The following PML variants were observed in gnomAD, a reference collection of about 807,000 sequenced individuals.
The protein encoded by PML is PML nuclear body scaffold.
PML carries 28 observed loss-of-function variants against 65.2 expected under a neutral mutation model. That is an observed-to-expected ratio of 0.43 (90% CI 0.32 to 0.59). PML has a LOEUF of 0.59. Ranked by LOEUF, PML falls within the 20% of genes least tolerant of loss-of-function variation. PML has a pLI of 0.08. For missense variants in PML, 1,021 were observed against 1,203.4 expected, an observed-to-expected ratio of 0.85 and a Z score of 2.24; for synonymous variants, 500 against 508.8, an observed-to-expected ratio of 0.98 and a Z score of 0.23.
At chr15:74,018,597 C>T (rs2070701513) in intron 2 of PML, among the ~76,000 whole-genome samples, 1 of 152,092 alleles carries the variant, frequency 6.6e-6, no homozygotes, top group Non-Finnish European at 1.5e-5. Context: ...AATCCTCTCA[C>T]CACAGCCTCC....
intron 2 of PML, among the ~76,000 whole-genome samples, chr15:74,006,265 C>T (rs1446830126): frequency 1.3e-5 from 2 of 152,128 alleles, no homozygotes; most frequent in East Asian, 3.9e-4. Flanking sequence ...GTGTCACACA[C>T]CTGTAATCCC....
intron 2 of PML, among the ~76,000 whole-genome samples, chr15:74,010,549 C>A (rs949421735): frequency 1.3e-5 from 2 of 150,820 alleles, no homozygotes; most frequent in African/African-American, 4.9e-5. Context: ...AATTAACAAG[C>A]TTTTCTCATT....
chr15:74,025,439 CG>C (rs1278621906), intron 4 of PML: 1 of 168,922 alleles, frequency 5.9e-6, no homozygotes, highest in Non-Finnish European at 1.3e-5. Context: ...TGGAAAGGAA[CG>C]GGGAATGGTG....
At position 74,023,335 on chromosome 15, in the gene PML, C is replaced by T. The variant is rs762830343; in HGVS notation, c.1110C>T (p.Ala370=). The change falls in exon 3 of 9, where the codon GCC becomes GCT. Residue 370 remains alanine (A), a synonymous_variant. Transcript: ENST00000268058. ...AGGAGCCCCAGAGCCTGCAAGCTGCCGTGCGCACCGATGGCTTCGACGAGT... is the reference window on the plus strand; with the variant it reads ...AGGAGCCCCAGAGCCTGCAAGCTGCTGTGCGCACCGATGGCTTCGACGAGT... ...RQEEPQSLQA[A]VRTDGFDEFK... is the part of the protein sequence containing the mutation. 13 of 1,605,466 alleles carry T rather than the reference C, an allele frequency of 8.1e-6. No individual in the cohort carries two copies. The South Asian group carries it at 1.1e-4, about 14-fold the overall frequency.
intron 2 of PML, among the ~76,000 whole-genome samples, chr15:74,010,624 G>A (rs1412205532): frequency 3.3e-5 from 5 of 152,044 alleles, no homozygotes; most frequent in African/African-American, 9.7e-5. Flanking sequence ...GACAGCCATT[G>A]AGCAATCACT....
intron 2 of PML, among the ~76,000 whole-genome samples, chr15:74,007,824 T>C (rs1567121555): frequency 6.6e-6 from 1 of 152,222 alleles, no homozygotes; most frequent in Non-Finnish European, 1.5e-5. Flanking sequence ...ACATAGCCCC[T>C]CCTTGAGATC....
chr15:74,017,092 C>T (rs959577155), intron 2 of PML, among the ~76,000 whole-genome samples: 3 of 151,180 alleles, frequency 2.0e-5, no homozygotes, highest in African/African-American at 7.3e-5. Context: ...CCGCCGCGCC[C>T]GGCCGGGCAG....
intron 2 of PML, among the ~76,000 whole-genome samples, chr15:74,002,449 T>C (rs574688293): frequency 8.5e-5 from 12 of 141,688 alleles, no homozygotes; most frequent in East Asian, 6.0e-4. Flanking sequence ...CTTTTCTTTT[T>C]TTTTTTTTTT....
At chr15:74,006,201 G>A (rs2070038575) in intron 2 of PML, among the ~76,000 whole-genome samples, 1 of 151,950 alleles carries the variant, frequency 6.6e-6, no homozygotes, top group African/African-American at 2.4e-5. Context: ...GACCAGCCTG[G>A]CCAACATGGT....
intron 7 of PML, among the ~76,000 whole-genome samples, chr15:74,036,676 C>T (rs977541649): frequency 6.6e-6 from 1 of 152,088 alleles, no homozygotes; most frequent in Non-Finnish European, 1.5e-5. Flanking sequence ...CCTGCCCACC[C>T]TCATTGAGGG....
chr15:73,997,482 A>G (rs781369820), intron 1 of PML, among the ~76,000 whole-genome samples: 2 of 152,154 alleles, frequency 1.3e-5, no homozygotes, highest in African/African-American at 2.4e-5. Flanking sequence ...TTGTTTATCT[A>G]TTCATCTGTT....
intron 1 of PML, among the ~76,000 whole-genome samples, chr15:73,995,826 C>G (rs1406111185): frequency 1.3e-5 from 2 of 152,174 alleles, no homozygotes; most frequent in Non-Finnish European, 2.9e-5. Context: ...GCGATCTCGG[C>G]TCACTGCAAC....
At chr15:74,011,423 G>A (rs902862987) in intron 2 of PML, among the ~76,000 whole-genome samples, 3 of 152,138 alleles carry the variant, frequency 2.0e-5, no homozygotes, top group Admixed American at 6.5e-5. Flanking sequence ...AAAGAAGAAT[G>A]TGCCTTTAAT....
At chr15:74,017,544 G>T (rs1206018459) in intron 2 of PML, among the ~76,000 whole-genome samples, 2 of 152,110 alleles carry the variant, frequency 1.3e-5, no homozygotes, top group Admixed American at 1.3e-4. Context: ...GGCTGCTTGG[G>T]AGGCTGAGGC....
intron 2 of PML, among the ~76,000 whole-genome samples, chr15:74,003,267 A>T (rs2069869486): frequency 6.6e-6 from 1 of 152,148 alleles, no homozygotes; most frequent in Non-Finnish European, 1.5e-5. Context: ...CCTCGTCTCT[A>T]TTAAAAATAC....
At chr15:74,040,580 T>C (rs2071673169) in intron 7 of PML, among the ~76,000 whole-genome samples, 1 of 152,140 alleles carries the variant, frequency 6.6e-6, no homozygotes, top group East Asian at 1.9e-4. Context: ...CAAACCTGAG[T>C]CTTTCAGAAA....
rs1371113206 is a variant in PML, at chr15:74,046,557, T to A, written c.*1549T>A. On this transcript the variant is annotated 3_prime_UTR_variant, in exon 9 of 9. Coordinates refer to ENST00000268058, the MANE Select transcript of PML (RefSeq NM_033238.3). The stretch of plus-strand genomic sequence containing the variant: ...GAGTGCTGGCTCTCACAGTGAATTT[T>A]GATGCATTTAAAATAAGATTCTGAT... 4.3e-6 allele frequency: 1 copy of A among 232,498 alleles called. No homozygotes were observed. Among genetic ancestry groups the A allele is most frequent in the East Asian group, 6.1e-5 (1 of 16,514 alleles). 14.4% of individuals were successfully genotyped at this position (232,498 alleles called of 1,614,324 possible). A position where few individuals can be genotyped will look rare whatever the true frequency, so the allele number is the denominator to read the frequency against.
chr15:73,995,902 C>T (rs572792780), intron 1 of PML, among the ~76,000 whole-genome samples: 3 of 152,112 alleles, frequency 2.0e-5, no homozygotes, highest in East Asian at 1.9e-4. Flanking sequence ...TTACAGGCCA[C>T]GCCACCATAC....
chr15:74,014,332 TTTTGGGGGGGTTTTTTTGA>T (rs2070465345), intron 2 of PML, among the ~76,000 whole-genome samples: 1 of 151,958 alleles, frequency 6.6e-6, no homozygotes, highest in African/African-American at 2.4e-5. Flanking sequence ...TACTTAGTAA[TTTTGGGGGGGTTTTTTTGA>T]GATAGAGTCT....
Sources: gnomAD v4.1 joint callset for allele counts (sites outside exome capture counted in the v4.1 genomes callset) on GRCh38, gnomAD v4.1.1 for gene constraint, MANE v1.5 for transcripts, NCBI Gene and HGNC (gene_info 2026-07-23, HGNC 2026-07-21) for gene names.